The following FAM135B variants were observed in gnomAD, a reference collection of about 807,000 sequenced individuals.
FAM135B encodes family with sequence similarity 135 member B.
A neutral mutation model predicts 127.7 loss-of-function variants in FAM135B; 43 were observed. The ratio of observed to expected loss-of-function variants is 0.34; its 90% confidence interval spans 0.26 to 0.43. The LOEUF (loss-of-function observed/expected upper bound fraction) is 0.43, where lower values mean the gene tolerates loss of function less well. Ranked by LOEUF, FAM135B falls within the 20% of genes least tolerant of loss-of-function variation. The pLI is 1.00. For missense variants in FAM135B, 1,558 were observed against 1,725.6 expected (o/e 0.90, Z 1.72); for synonymous variants, 670 against 665.1 (o/e 1.01, Z -0.11).
intron 2 of FAM135B, among the ~76,000 whole-genome samples, chr8:138,313,707 T>A: frequency 6.0e-5 from 1 of 16,536 alleles, no homozygotes. Flanking sequence ...ACTTTTGTGC[T>A]ATGAAAGACA....
chr8:138,378,935 G>A (rs989439426), intron 1 of FAM135B, among the ~76,000 whole-genome samples: 1 of 152,128 alleles, frequency 6.6e-6, no homozygotes, highest in African/African-American at 2.4e-5. Flanking sequence ...TACCAAAGAT[G>A]AGGAAGCTCT....
At chr8:138,142,863 C>G in intron 16 of FAM135B, 149 bp downstream of exon 16, 4 of 582,926 alleles carry the variant, frequency 6.9e-6, no homozygotes, top group Non-Finnish European at 1.2e-5. Flanking sequence ...CTGGTACTTA[C>G]TTCTGCTTTA....
At chr8:138,481,504 G>A (rs1018422120) in intron 1 of FAM135B, among the ~76,000 whole-genome samples, 2 of 152,214 alleles carry the variant, frequency 1.3e-5, no homozygotes, top group Non-Finnish European at 2.9e-5. Flanking sequence ...AACGCCAGTG[G>A]AGCAGGCTTT....
intron 1 of FAM135B, among the ~76,000 whole-genome samples, chr8:138,412,074 C>T (rs75487866): frequency 0.029 from 4,359 of 152,138 alleles, 219 homozygotes; most frequent in African/African-American, 0.099. Flanking sequence ...AAGGGGCAGT[C>T]GGGAAGGAGG....
chr8:138,307,444 C>G (rs1826348207), intron 3 of FAM135B, among the ~76,000 whole-genome samples: 1 of 152,128 alleles, frequency 6.6e-6, no homozygotes, highest in African/African-American at 2.4e-5. Context: ...CACCCCTTCA[C>G]CCATGCTATG....
intron 11 of FAM135B, among the ~76,000 whole-genome samples, chr8:138,174,820 C>T (rs1050580545): frequency 1.3e-5 from 2 of 151,964 alleles, no homozygotes; most frequent in African/African-American, 4.8e-5. Context: ...CCTCTCACAG[C>T]GATGCATGTT....
chr8:138,352,704 T>C (rs1454629819), intron 2 of FAM135B, among the ~76,000 whole-genome samples: 2 of 152,180 alleles, frequency 1.3e-5, no homozygotes, highest in Admixed American at 6.6e-5. Context: ...TGCCCCCCAC[T>C]AGGAGGGTAT....
chr8:138,468,245 C>T (rs999139156), intron 1 of FAM135B, among the ~76,000 whole-genome samples: 10 of 152,134 alleles, frequency 6.6e-5, no homozygotes, highest in Non-Finnish European at 8.8e-5. Context: ...GCCCTTTTTG[C>T]TATCCTTACC....
At chr8:138,183,722 G>C (rs1022118790) in intron 9 of FAM135B, among the ~76,000 whole-genome samples, 1 of 152,184 alleles carries the variant, frequency 6.6e-6, no homozygotes, top group Non-Finnish European at 1.5e-5. Context: ...TGGACCAAGG[G>C]TGACGTGGAT....
At chr8:138,270,199 G>T (rs956211429) in intron 3 of FAM135B, among the ~76,000 whole-genome samples, 3 of 152,136 alleles carry the variant, frequency 2.0e-5, no homozygotes, top group African/African-American at 7.2e-5. Flanking sequence ...GAAAAATATG[G>T]ATAAGAAACC....
intron 2 of FAM135B, among the ~76,000 whole-genome samples, chr8:138,340,800 A>G (rs1017236361): frequency 6.6e-6 from 1 of 152,126 alleles, no homozygotes; most frequent in Non-Finnish European, 1.5e-5. Context: ...TGCCTCGTGC[A>G]TCCACTCATC....
In FAM135B at chr8:138,132,622, A is replaced by T. The variant is rs1000901968; in HGVS notation, c.4192T>A (p.Leu1398Met). The change falls in exon 20 of 20, where the codon TTG (leucine) becomes ATG (methionine). Residue 1398 changes from leucine (L) to methionine (M), a missense_variant. Physicochemically the swap from Leu to Met is conservative, Grantham distance 15. Transcript: ENST00000395297. This position sits in a 1 kb window ranked among gnomAD's most constrained non-coding sequence, Gnocchi z 4.5. ...TTGAAGTAGTTGAGTCCTGCCACCA[A>T]GAAAAACTTCTCCAGGAAGAGTTCT... ...DSELFLEKFF[L>M]VAGLNYFK 1 of 1,614,214 alleles carries T rather than the reference A, an allele frequency of 6.2e-7. No homozygotes were observed. The highest frequency in any genetic ancestry group is 8.5e-7 in the Non-Finnish European group (1 of 1,180,038).
Position 138,196,811 on chromosome 8 carries a change from G to A in FAM135B, c.823+705C>T, listed in dbSNP as rs151200684. 8.7e-3 allele frequency among the ~76,000 whole-genome samples: 1,331 copies of A among 152,264 alleles called. 24 individuals are homozygous for A. Among genetic ancestry groups the A allele is most frequent in the African/African-American group, 0.03 (1,255 of 41,552 alleles). On this transcript the variant is annotated intron_variant, in intron 8 of 19. Transcript: ENST00000395297. ...TTACTGAGTGGGACATGACACAAAG[G>A]ACCCTGCCCCAAGGCATCAGCACAG... is the stretch of plus-strand genomic sequence containing the variant.
Position 138,250,182 on chromosome 8 carries a change from G to A in FAM135B, c.542+659C>T, listed in dbSNP as rs966537515. 2.9e-4 allele frequency among the ~76,000 whole-genome samples: 44 copies of A among 152,132 alleles called. 1 individual carries two copies. The highest frequency in any genetic ancestry group is 3.4e-3 in the Middle Eastern group (1 of 292). ...AGCCTGGCCAACATGGTGAAACCCC[G>A]TCTCTACTAAAAATACAAAAATTAG... On this transcript the variant is annotated intron_variant, in intron 6 of 19. Transcript: ENST00000395297.
chr8:138,276,281 C>T (rs553673649), intron 3 of FAM135B, among the ~76,000 whole-genome samples: 102 of 152,302 alleles, frequency 6.7e-4, no homozygotes, highest in African/African-American at 2.1e-3. Flanking sequence ...TAAGTATAGT[C>T]GCAATTGCAG....
intron 1 of FAM135B, among the ~76,000 whole-genome samples, chr8:138,384,950 G>C (rs923029009): frequency 2.0e-5 from 3 of 152,034 alleles, no homozygotes; most frequent in Non-Finnish European, 4.4e-5. Context: ...GCGACCTCTC[G>C]TTCCTTCAGT....
chr8:138,365,748 G>C (rs1830693431), intron 2 of FAM135B, among the ~76,000 whole-genome samples: 1 of 152,076 alleles, frequency 6.6e-6, no homozygotes, highest in South Asian at 2.1e-4. Context: ...AACGATATGA[G>C]GCTTAGTGAA....
chr8:138,180,436 T>G lies in FAM135B; in HGVS notation c.874-1746A>C, dbSNP rs79345080. Among the ~76,000 whole-genome samples, 784 of 152,326 alleles carry G rather than the reference T, an allele frequency of 5.1e-3. 8 individuals are homozygous for G. The highest frequency in any genetic ancestry group is 0.018 in the African/African-American group (753 of 41,562). On this transcript the variant is annotated intron_variant, in intron 9 of 19. Coordinates refer to ENST00000395297, the MANE Select transcript of FAM135B (RefSeq NM_015912.4). The stretch of plus-strand genomic sequence containing the variant: ...CCATAGCCACATCCAATCCCATTCC[T>G]TTCTCTTCGTTGCCCTGTGCCTCAG...
At chr8:138,202,262 T>C (rs1563763868) in intron 7 of FAM135B, among the ~76,000 whole-genome samples, 1 of 151,956 alleles carries the variant, frequency 6.6e-6, no homozygotes, top group African/African-American at 2.4e-5. Flanking sequence ...TTTTTTTGTT[T>C]TGCTTGAGAT....
Sources: allele counts gnomAD v4.1 joint callset (sites outside exome capture counted in the v4.1 genomes callset), GRCh38; gene constraint gnomAD v4.1.1; non-coding constraint Gnocchi (gnomAD v3.1); transcripts MANE v1.5; gene names NCBI Gene and HGNC (gene_info 2026-07-23, HGNC 2026-07-21).